Variants in ACOT7 observed in about 807,000 individuals in gnomAD.
ACOT7 encodes acyl-CoA thioesterase 7, also known as cytosolic acyl coenzyme A thioester hydrolase.
Under a neutral mutation model 40.2 loss-of-function variants are expected in ACOT7, and 12 were observed. The observed-to-expected ratio is 0.30, with a 90% CI of 0.19 to 0.48. The LOEUF is 0.48. Among genes scored for constraint, ACOT7 ranks in the 20% least tolerant of loss-of-function variants. ACOT7 has a pLI of 0.99. For synonymous variants in ACOT7, 228 were observed against 219.5 expected (o/e 1.04, Z -0.34); for missense variants, 395 against 530.8 (o/e 0.74, Z 2.51).
intron 6 of ACOT7, among the ~76,000 whole-genome samples, chr1:6,307,186 G>A (rs918017045): frequency 5.3e-5 from 8 of 152,378 alleles, no homozygotes; most frequent in Non-Finnish European, 7.3e-5. Flanking sequence ...GGCGGGGCTC[G>A]GCACACAGGA....
chr1:6,364,128 G>A (rs964445379), intron 1 of ACOT7, among the ~76,000 whole-genome samples: 11 of 151,652 alleles, frequency 7.3e-5, no homozygotes, highest in African/African-American at 2.4e-4. Context: ...GAGGCAGGAG[G>A]ATCACTTGAG....
intron 7 of ACOT7, among the ~76,000 whole-genome samples, chr1:6,287,120 A>G (rs921047222): frequency 1.3e-5 from 2 of 152,238 alleles, no homozygotes; most frequent in African/African-American, 4.8e-5. Flanking sequence ...GAGAGCCAGG[A>G]GTTCCGGCAC....
intron 1 of ACOT7, among the ~76,000 whole-genome samples, chr1:6,366,430 TA>T (rs559223397): frequency 0.015 from 2,247 of 151,670 alleles, 38 homozygotes; most frequent in Non-Finnish European, 0.02. Context: ...AAATAAAAAT[TA>T]AAAAATTAGC....
At chr1:6,273,261 G>A (rs568441218) in intron 8 of ACOT7, among the ~76,000 whole-genome samples, 16 of 152,342 alleles carry the variant, frequency 1.1e-4, no homozygotes, top group Non-Finnish European at 1.6e-4. Flanking sequence ...GAGGGAAGGC[G>A]AGAGCCAGGC....
chr1:6,343,916 G>T (rs1160262038), intron 2 of ACOT7, among the ~76,000 whole-genome samples: 1 of 152,264 alleles, frequency 6.6e-6, no homozygotes, highest in Non-Finnish European at 1.5e-5. Flanking sequence ...GTACAGAGGG[G>T]TGTGGGTCAG....
At chr1:6,326,320 T>C (rs150314951) in intron 5 of ACOT7, among the ~76,000 whole-genome samples, 1 of 152,300 alleles carries the variant, frequency 6.6e-6, no homozygotes, top group African/African-American at 2.4e-5. Flanking sequence ...CCCCCTGCCC[T>C]GAATTGTTTC....
chr1:6,328,937 C>A (rs1406799641), intron 4 of ACOT7, among the ~76,000 whole-genome samples: 1 of 152,244 alleles, frequency 6.6e-6, no homozygotes, highest in African/African-American at 2.4e-5. Context: ...TCTCCCTCCC[C>A]CTTGGCCTGG....
intron 1 of ACOT7, among the ~76,000 whole-genome samples, chr1:6,354,255 C>T (rs962751816): frequency 2.6e-5 from 4 of 152,136 alleles, no homozygotes; most frequent in Non-Finnish European, 5.9e-5. Context: ...CCCAGAAGGG[C>T]GCCACCCCAC....
chr1:6,369,978 A>C (rs1275133861), intron 1 of ACOT7, among the ~76,000 whole-genome samples: 1 of 152,192 alleles, frequency 6.6e-6, no homozygotes, highest in East Asian at 1.9e-4. Flanking sequence ...GGATATGAGG[A>C]TCCCTAACCT....
In ACOT7 at chr1:6,393,518, C is replaced by G; in HGVS notation, c.-119G>C. The G allele has an allele frequency of 1.0e-6, 1 of 956,440 alleles. No individual in the cohort carries two copies. The highest frequency in any genetic ancestry group is 1.7e-5 in the African/African-American group (1 of 58,150). The allele number at this position is 956,440 out of a possible 1,614,324, so 59.2% of individuals were successfully genotyped here. ...CCCCGCGCCGGCCCCACCCCGAGCC[C>G]CGCCTCCCAGGCCGCCAAGGCTGCA... On this transcript the variant is annotated 5_prime_UTR_variant, in exon 1 of 9. Transcript: ENST00000361521.
intron 3 of ACOT7, 46 bp downstream of exon 3, chr1:6,339,387 C>A (rs750461922): frequency 1.9e-6 from 3 of 1,610,634 alleles, no homozygotes; most frequent in East Asian, 2.2e-5. Flanking sequence ...AGCTGTGTAG[C>A]CACGGCCCTT....
Position 6,348,335 on chromosome 1 carries a change from TACAC to T in ACOT7, c.261+1410_261+1413del, listed in dbSNP as rs149269586. 1.8e-4 allele frequency among the ~76,000 whole-genome samples: 27 copies of T among 150,518 alleles called. No individual in the cohort carries two copies. The East Asian group carries it at 2.9e-3, about 16-fold the overall frequency. On this transcript the variant is annotated intron_variant, in intron 2 of 8. Transcript: ENST00000361521. The stretch of plus-strand genomic sequence containing the variant: ...ATGCACACACACATGCATACGCAGA[TACAC>T]ACACACACACACGCACACACACACA...
At chr1:6,377,721 A>G (rs187977040) in intron 1 of ACOT7, among the ~76,000 whole-genome samples, 1 of 152,340 alleles carries the variant, frequency 6.6e-6, no homozygotes, top group Non-Finnish European at 1.5e-5. Context: ...GCGACACCTG[A>G]GTGAACACAG....
chr1:6,287,844 G>A lies in ACOT7; in HGVS notation c.830-6558C>T, dbSNP rs146602066. 1.1e-3 allele frequency among the ~76,000 whole-genome samples: 174 copies of A among 152,236 alleles called. No homozygotes were observed. In the East Asian group the frequency reaches 0.028, roughly 25 times the overall value. On this transcript the variant is annotated intron_variant, in intron 7 of 8. Transcript: ENST00000361521. ...AAAAGAGCTGTGGCTGTTAACTTTC[G>A]TAAGAAAAGCCTGGAAACAGTGAAC...
chr1:6,342,111 G>A (rs546780829), intron 2 of ACOT7, among the ~76,000 whole-genome samples: 6 of 152,196 alleles, frequency 3.9e-5, no homozygotes, highest in African/African-American at 9.7e-5. Flanking sequence ...AGTCCTGGAG[G>A]GGGGAAGTCT....
intron 1 of ACOT7, among the ~76,000 whole-genome samples, chr1:6,372,364 G>A (rs1389328494): frequency 2.0e-5 from 3 of 152,078 alleles, no homozygotes; most frequent in Non-Finnish European, 2.9e-5. Context: ...CTTCTTCTCC[G>A]TTATCAGCAA....
At chr1:6,376,478 C>T (rs529027242) in intron 1 of ACOT7, among the ~76,000 whole-genome samples, 40 of 151,840 alleles carry the variant, frequency 2.6e-4, no homozygotes, top group African/African-American at 9.7e-4. Context: ...CATGTAATCC[C>T]AGCACTTTGG....
intron 2 of ACOT7, among the ~76,000 whole-genome samples, chr1:6,344,290 A>G (rs1432592263): frequency 1.3e-5 from 2 of 152,196 alleles, no homozygotes; most frequent in Non-Finnish European, 2.9e-5. Context: ...GACTTGAGGC[A>G]GGAGGAAGGC....
rs1639606262 is a variant in ACOT7, at chr1:6,289,495, G to GGGCTCATGTGATCCTCCTC, written c.829+5350_829+5368dup. 6.6e-6 allele frequency among the ~76,000 whole-genome samples: 1 copy of GGGCTCATGTGATCCTCCTC among 151,894 alleles called. No homozygotes were observed. Among genetic ancestry groups the GGGCTCATGTGATCCTCCTC allele is most frequent in the African/African-American group, 2.4e-5 (1 of 41,304 alleles). ...GCTCACACTGCAGCCTCTGCCTCCT[G>GGGCTCATGTGATCCTCCTC]GGCTCATGTGATCCTCCTCCCTTAG... On this transcript the variant is annotated intron_variant, in intron 7 of 8. Coordinates refer to ENST00000361521, the MANE Select transcript of ACOT7 (RefSeq NM_007274.4). This position sits in a 1 kb window ranked among gnomAD's most constrained non-coding sequence, Gnocchi z 4.6.
Sources: gnomAD v4.1 joint callset for allele counts (sites outside exome capture counted in the v4.1 genomes callset) on GRCh38, gnomAD v4.1.1 for gene constraint, Gnocchi (gnomAD v3.1) non-coding constraint, MANE v1.5 for transcripts, NCBI Gene and HGNC (gene_info 2026-07-23, HGNC 2026-07-21) for gene names.